Variants in PLEKHA4 observed in about 807,000 individuals in gnomAD.
PLEKHA4 encodes pleckstrin homology domain-containing family A member 4.
Under a neutral mutation model 94.7 loss-of-function variants are expected in PLEKHA4, and 73 were observed. That is an observed-to-expected ratio of 0.77 (90% CI 0.64 to 0.94). The LOEUF is 0.94. Ranked by LOEUF, PLEKHA4 falls within the 40% of genes least tolerant of loss-of-function variation. PLEKHA4 has a pLI of 0.00. For missense variants in PLEKHA4, 1,049 were observed against 1,054.1 expected (o/e 1.00, Z 0.07); for synonymous variants, 449 against 437.1 (o/e 1.03, Z -0.34).
At chr19:48,846,810 G>A (rs971482782) in intron 14 of PLEKHA4, among the ~76,000 whole-genome samples, 1 of 152,084 alleles carries the variant, frequency 6.6e-6, no homozygotes, top group Admixed American at 6.6e-5. Flanking sequence ...AGATGTCCTG[G>A]CTTCAAATCC....
At chr19:48,854,145 T>G in intron 10 of PLEKHA4, 58 bp from the exon 11 acceptor site, 8 of 1,612,604 alleles carry the variant, frequency 5.0e-6, no homozygotes, top group Non-Finnish European at 5.9e-6. Flanking sequence ...CCCCTGCCGC[T>G]CCTCCCATCA....
At position 48,841,276 on chromosome 19, in the gene PLEKHA4, T is replaced by C. The variant is rs750916668; in HGVS notation, c.1778A>G (p.Glu593Gly). The change falls in exon 17 of 20, where the codon GAG (glutamate) becomes GGG (glycine). Residue 593 changes from glutamate to glycine, a missense_variant. Transcript: ENST00000263265. ...GTTTCTGCGCATCCGCTCCAGCTGC[T>C]CCTGGGCACTCATCCGGGGCCGGGC... is the stretch of plus-strand genomic sequence containing the variant. ...PVARPRMSAQ[E>G]QLERMRRNQE... The C allele has an allele frequency of 6.2e-7, 1 of 1,613,248 alleles. No individual in the cohort carries two copies. Among genetic ancestry groups the C allele is most frequent in the Non-Finnish European group, 8.5e-7 (1 of 1,179,738 alleles).
chr19:48,853,160 A>G (rs1323237914), intron 12 of PLEKHA4, among the ~76,000 whole-genome samples: 3 of 150,678 alleles, frequency 2.0e-5, no homozygotes, highest in Non-Finnish European at 4.4e-5. Flanking sequence ...AGTACCAAGT[A>G]CCTTAAGTGT....
chr19:48,862,376 T>G (rs1032502929), intron 3 of PLEKHA4, among the ~76,000 whole-genome samples: 8 of 151,304 alleles, frequency 5.3e-5, no homozygotes, highest in Non-Finnish European at 1.0e-4. Context: ...AATTTTTGTA[T>G]TTTTAGTAGA....
chr19:48,863,033 C>A (rs528773274), intron 3 of PLEKHA4, among the ~76,000 whole-genome samples: 2 of 152,286 alleles, frequency 1.3e-5, no homozygotes, highest in Admixed American at 1.3e-4. Context: ...CCAAATGCAG[C>A]GTCTCCACCT....
intron 18 of PLEKHA4, chr19:48,838,430 A>C: frequency 5.9e-6 from 1 of 168,994 alleles, no homozygotes; most frequent in Non-Finnish European, 1.2e-5. Context: ...ATATATGTAT[A>C]CCTAGTATGT....
chr19:48,860,501 G>A, intron 5 of PLEKHA4, 42 bp from the exon 6 acceptor site: 2 of 1,495,836 alleles, frequency 1.3e-6, no homozygotes, highest in Non-Finnish European at 1.9e-6. Context: ...CCCGGGCCTT[G>A]TAAAAAGGAG....
chr19:48,865,344 AAAAT>A (rs749046118), intron 3 of PLEKHA4, among the ~76,000 whole-genome samples, 155 bp downstream of exon 3: 49 of 152,272 alleles, frequency 3.2e-4, no homozygotes, highest in Non-Finnish European at 3.8e-4. Flanking sequence ...CTCTGTCTTA[AAAAT>A]AAATAAATAA....
intron 12 of PLEKHA4, 83 bp from the exon 13 acceptor site, chr19:48,852,409 A>C: frequency 9.1e-7 from 1 of 1,104,860 alleles, no homozygotes; most frequent in Admixed American, 1.9e-5. Flanking sequence ...TCAGCTAAGG[A>C]GGAGATAAGG....
chr19:48,857,493 G>A lies in PLEKHA4; in HGVS notation c.976C>T (p.His326Tyr). The A allele has an allele frequency of 1.9e-6, 3 of 1,552,856 alleles. No individual in the cohort carries two copies. The highest frequency in any genetic ancestry group is 1.4e-5 in the African/African-American group (1 of 72,644). The change falls in exon 9 of 20, where the codon CAC becomes TAC. Residue 326 changes from histidine (H) to tyrosine (Y), a missense_variant. Coordinates refer to ENST00000263265, the MANE Select transcript of PLEKHA4 (RefSeq NM_020904.3). ...HWSQEPRTQA[H>Y]SGSPTYLQLP... ...TGGAGATAAGTGGGGGAGCCAGAGTGTGCCTGGGAGGAACGTTGAAATGGA... is the reference window on the plus strand; with the variant it reads ...TGGAGATAAGTGGGGGAGCCAGAGTATGCCTGGGAGGAACGTTGAAATGGA...
At chr19:48,857,142 A>C (rs2036452626) in intron 9 of PLEKHA4, among the ~76,000 whole-genome samples, 1 of 152,004 alleles carries the variant, frequency 6.6e-6, no homozygotes, top group Non-Finnish European at 1.5e-5. Flanking sequence ...AGAAGCTAAG[A>C]GAGAGTCAAT....
chr19:48,858,082 G>A (rs2036493897), intron 8 of PLEKHA4, among the ~76,000 whole-genome samples: 1 of 152,034 alleles, frequency 6.6e-6, no homozygotes, highest in Non-Finnish European at 1.5e-5. Flanking sequence ...CCACTGTGGG[G>A]ACACAGAGGG....
At chr19:48,839,780 T>G (rs1406013916) in intron 17 of PLEKHA4, among the ~76,000 whole-genome samples, 2 of 151,912 alleles carry the variant, frequency 1.3e-5, no homozygotes, top group Non-Finnish European at 2.9e-5. Context: ...CACCACCACC[T>G]GTGACTTGTC....
intron 13 of PLEKHA4, among the ~76,000 whole-genome samples, chr19:48,848,389 G>C (rs1394439649): frequency 6.6e-6 from 1 of 151,194 alleles, no homozygotes; most frequent in East Asian, 1.9e-4. Context: ...GGGAGGCTGA[G>C]GCAGGAGAAT....
In PLEKHA4 at chr19:48,867,105, G is replaced by T. The variant is rs148523380; in HGVS notation, c.84+432C>A. On this transcript the variant is annotated intron_variant, in intron 2 of 19. Transcript: ENST00000263265. This position sits in a 1 kb window ranked among gnomAD's most constrained non-coding sequence, Gnocchi z 4.7. ...TCCCTAAGCTTTTGGCTGGGATGCC[G>T]ATTTGGGATGCAAGTATCTGGAGGC... Among the ~76,000 whole-genome samples, 6 of 152,270 alleles carry T rather than the reference G, an allele frequency of 3.9e-5. No individual in the cohort carries two copies. The highest frequency in any genetic ancestry group is 1.4e-4 in the African/African-American group (6 of 41,554).
At chr19:48,849,088 T>C (rs1219363299) in intron 13 of PLEKHA4, among the ~76,000 whole-genome samples, 2 of 151,764 alleles carry the variant, frequency 1.3e-5, no homozygotes, top group African/African-American at 4.8e-5. Flanking sequence ...TTATTTTTAG[T>C]AGAGACAGAG....
intron 16 of PLEKHA4, chr19:48,844,401 T>C: frequency 1.1e-6 from 1 of 936,682 alleles, no homozygotes; most frequent in Non-Finnish European, 1.3e-6. Context: ...GTGATCTGCC[T>C]GCCTCGGCCT....
In PLEKHA4 at chr19:48,860,411, C is replaced by A; in HGVS notation, c.415G>T (p.Glu139Ter). 1.2e-6 allele frequency: 2 copies of A among 1,614,150 alleles called. No homozygotes were observed. Among genetic ancestry groups the A allele is most frequent in the Non-Finnish European group, 1.7e-6 (2 of 1,180,038 alleles). ...RTYVLAADTL[E>*]DLRGWLRALG... ...GCCCGTAGCCAGCCCCGCAGGTCTTCTAAGGTGTCAGCGGCCAAAACGTAG... is the reference window on the plus strand; with the variant it reads ...GCCCGTAGCCAGCCCCGCAGGTCTTATAAGGTGTCAGCGGCCAAAACGTAG... Residue 139 changes from glutamate (E) to a stop codon, truncating the protein, a stop_gained, in exon 6 of 20, where the codon GAA (glutamate) becomes TAA (stop). Coordinates refer to ENST00000263265, the MANE Select transcript of PLEKHA4 (RefSeq NM_020904.3). LOFTEE classifies it high-confidence loss of function.
intron 17 of PLEKHA4, 91 bp downstream of exon 17, chr19:48,841,058 T>C (rs1329427181): frequency 1.6e-6 from 2 of 1,284,298 alleles, no homozygotes; most frequent in East Asian, 2.6e-5. Flanking sequence ...AAGGAGGTAG[T>C]GATTATCTCC....
Sources: gnomAD v4.1 joint callset for allele counts (sites outside exome capture counted in the v4.1 genomes callset) on GRCh38, gnomAD v4.1.1 for gene constraint, Gnocchi (gnomAD v3.1) non-coding constraint, MANE v1.5 for transcripts, NCBI Gene and HGNC (gene_info 2026-07-23, HGNC 2026-07-21) for gene names.